The following LTA4H variants were observed in gnomAD, a reference collection of about 807,000 sequenced individuals.
LTA4H encodes leukotriene A-4 hydrolase.
A neutral mutation model predicts 89.8 loss-of-function variants in LTA4H; 59 were observed. The ratio of observed to expected loss-of-function variants is 0.66; its 90% CI spans 0.53 to 0.82. The LOEUF is 0.82. Ranked by LOEUF, LTA4H falls within the 40% of genes least tolerant of loss-of-function variation. LTA4H has a pLI of 0.00. For synonymous variants in LTA4H, 227 were observed against 253.1 expected, an observed-to-expected ratio of 0.90 and a Z score of 0.98; for missense variants, 617 against 727.0, an observed-to-expected ratio of 0.85 and a Z score of 1.74.
intron 3 of LTA4H, 55 bp downstream of exon 3, chr12:96,027,388 TC>T: frequency 6.6e-7 from 1 of 1,512,374 alleles, no homozygotes. Context: ...TTTGCTTCAT[TC>T]AACCATAGGT....
In LTA4H at chr12:96,002,999, G is replaced by C. The variant is rs778391269; in HGVS notation, c.1679C>G (p.Thr560Ser). The change falls in exon 18 of 19, where the codon ACT (threonine) becomes AGT (serine). Residue 560 changes from threonine (T) to serine (S), a missense_variant. Thr to Ser is a moderately conservative substitution (Grantham distance 58). Coordinates refer to ENST00000228740, the MANE Select transcript of LTA4H (RefSeq NM_000895.3). ...GGTAAACTTCATTCTTCCTTGTTCA[G>C]TTGCCATCTTTAGCGCCAAAGGAAT... ...DAIPLALKMA[T>S]EQGRMKFTRP... The C allele has an allele frequency of 1.2e-6, 2 of 1,605,728 alleles. 1 individual carries two copies. The highest frequency in any genetic ancestry group is 2.2e-5 in the South Asian group (2 of 89,316).
chr12:96,036,312 TGTGGCAGGTGAAGG>T (rs1366961681), upstream of LTA4H, among the ~76,000 whole-genome samples: 1 of 152,114 alleles, frequency 6.6e-6, no homozygotes, highest in Non-Finnish European at 1.5e-5. Context: ...CTGGGGCCTT[TGTGGCAGGTGAAGG>T]AGGATTGAAG....
At chr12:96,013,688 T>C in intron 13 of LTA4H, 62 bp downstream of exon 13, 7 of 858,360 alleles carry the variant, frequency 8.2e-6, no homozygotes, top group Middle Eastern at 3.0e-4. Context: ...CAAGTTAACC[T>C]AATCAGTCAA....
At position 96,013,832 on chromosome 12, in the gene LTA4H, T is replaced by C; in HGVS notation, c.1226A>G (p.Lys409Arg). The change falls in exon 13 of 19, where the codon AAA becomes AGA. Residue 409 changes from lysine to arginine, a missense_variant. Lys to Arg is a conservative substitution (Grantham distance 26). Transcript: ENST00000228740. The stretch of plus-strand genomic sequence containing the variant: ...ATAGGAAAACTTCTCAACATAAGCT[T>C]TTAAGAATCCTAGGAAAATCTCTAA... ...GGPEIFLGFL[K>R]AYVEKFSYKS... 1 of 1,535,244 alleles carries C rather than the reference T, an allele frequency of 6.5e-7. No individual in the cohort carries two copies. Among genetic ancestry groups the C allele is most frequent in the Non-Finnish European group, 8.9e-7 (1 of 1,120,546 alleles).
At chr12:96,010,618 C>T (rs1950285067) in intron 14 of LTA4H, 1 of 152,230 alleles carries the variant, frequency 6.6e-6, no homozygotes, top group Admixed American at 6.5e-5. Flanking sequence ...GCAAAGGGAG[C>T]TAGAGTGTTA....
intron 8 of LTA4H, among the ~76,000 whole-genome samples, chr12:96,017,918 A>G (rs1950400946): frequency 6.6e-6 from 1 of 152,146 alleles, no homozygotes; most frequent in Admixed American, 6.5e-5. Context: ...TACCCAAAAT[A>G]TATTTAATAA....
At position 96,002,969 on chromosome 12, in the gene LTA4H, G is replaced by T; in HGVS notation, c.1709C>A (p.Pro570His). 1.3e-6 allele frequency: 2 copies of T among 1,596,176 alleles called. No homozygotes were observed. The highest frequency in any genetic ancestry group is 1.7e-6 in the Non-Finnish European group (2 of 1,170,038). The change falls in exon 18 of 19, where the codon CCC becomes CAC. Residue 570 changes from proline (P) to histidine (H), a missense_variant. Coordinates refer to ENST00000228740, the MANE Select transcript of LTA4H (RefSeq NM_000895.3). ...CTGAGTGGGTTCTTACTTGAATAAG[G>T]GCCGGGTAAACTTCATTCTTCCTTG... is the stretch of plus-strand genomic sequence containing the variant. The part of the protein sequence containing the change: ...TEQGRMKFTR[P>H]LFKDLAAFDK...
intron 6 of LTA4H, 151 bp from the exon 7 acceptor site, chr12:96,019,391 G>A (rs12721570): frequency 3.5e-5 from 22 of 631,662 alleles, no homozygotes; most frequent in Non-Finnish European, 3.6e-5. Context: ...CATGGCGTGA[G>A]CTGCAAACCT....
intron 2 of LTA4H, among the ~76,000 whole-genome samples, chr12:96,028,506 G>A (rs1403825142): frequency 3.3e-5 from 5 of 152,120 alleles, no homozygotes; most frequent in South Asian, 2.1e-4. Flanking sequence ...GACAATTCTG[G>A]TTGCCACTTT....
intron 6 of LTA4H, among the ~76,000 whole-genome samples, chr12:96,019,585 A>ATTTTTTTTTTTTTT (rs755971682): frequency 2.0e-5 from 2 of 99,390 alleles, no homozygotes; most frequent in African/African-American, 4.4e-5. Context: ...ATAAGAAACT[A>ATTTTTTTTTTTTTT]TTTTTTTTTT....
At chr12:96,023,126 C>CA (rs1267374093) in intron 4 of LTA4H, among the ~76,000 whole-genome samples, 1 of 152,174 alleles carries the variant, frequency 6.6e-6, no homozygotes, top group Non-Finnish European at 1.5e-5. Flanking sequence ...TATTAATGAT[C>CA]AAACAAGAAT....
At chr12:96,028,599 T>C (rs2247570) in intron 2 of LTA4H, among the ~76,000 whole-genome samples, 49,805 of 152,146 alleles carry the variant, frequency 0.33, 9,102 homozygotes, top group African/African-American at 0.47. Flanking sequence ...AAGGATTAGA[T>C]ACAAGAATGC....
rs1245970488 is a variant in LTA4H, at chr12:96,032,567, T to G, written c.159+2794A>C. Among the ~76,000 whole-genome samples the G allele has an allele frequency of 2.0e-5, 3 of 152,138 alleles. No individual in the cohort carries two copies. In the East Asian group the frequency reaches 5.8e-4, roughly 29 times the overall value. On this transcript the variant is annotated intron_variant, in intron 1 of 18. Coordinates refer to ENST00000228740, the MANE Select transcript of LTA4H (RefSeq NM_000895.3). ...CAATCTAGTGGAGGAAAGAAACAAG[T>G]TAACTTTAAATAAATACTAATTAAC...
chr12:96,014,821 A>G lies in LTA4H; in HGVS notation c.1204+34T>C, dbSNP rs116743649. 1.1e-4 allele frequency: 166 copies of G among 1,576,342 alleles called. 1 individual carries two copies. The African/African-American group carries it at 2.2e-3, about 21-fold the overall frequency. ...CCTAATTCTCACATTACCCTCAAAA[A>G]GAAAAAAAAAATCATAAAATACCAA... On this transcript the variant is annotated intron_variant, in intron 12 of 18. Coordinates refer to ENST00000228740, the MANE Select transcript of LTA4H (RefSeq NM_000895.3).
chr12:96,016,936 T>A, intron 10 of LTA4H, 108 bp downstream of exon 10: 4 of 769,630 alleles, frequency 5.2e-6, no homozygotes, highest in African/African-American at 1.8e-5. Flanking sequence ...TAAGAGATGA[T>A]AACAAAGAAA....
upstream of LTA4H, among the ~76,000 whole-genome samples, chr12:96,038,926 A>G (rs1236350032): frequency 6.6e-6 from 1 of 151,690 alleles, no homozygotes; most frequent in Non-Finnish European, 1.5e-5. Context: ...CTCCATTAAT[A>G]TATTCATCAA....
rs748600408 is a variant in LTA4H, at chr12:96,021,131, T to C, written c.592A>G (p.Ile198Val). ...KIYKFIQKVP[I>V]PCYLIALVVG... ...ACTAAAGCAATCAGGTAGCAGGGTA[T>C]TGGAACCTAAAGAGGGCAAACAAAC... The change falls in exon 6 of 19, where the codon ATA (isoleucine) becomes GTA (valine). Residue 198 changes from isoleucine to valine, a missense_variant. Physicochemically the swap from Ile to Val is conservative, Grantham distance 29. Around this residue, in one of 3 missense-constraint regions of LTA4H, gnomAD observed 172 missense variants for 244.5 expected, o/e 0.70. Transcript: ENST00000228740. 16 of 1,596,412 alleles carry C rather than the reference T, an allele frequency of 1.0e-5. No individual in the cohort carries two copies. The highest frequency in any genetic ancestry group is 4.5e-5 in the East Asian group (2 of 43,990).
chr12:96,007,699 A>C (rs1196919510), intron 15 of LTA4H, among the ~76,000 whole-genome samples: 2 of 152,252 alleles, frequency 1.3e-5, no homozygotes, highest in Non-Finnish European at 2.9e-5. Flanking sequence ...ATCATTATCC[A>C]CCTTAACTGC....
At chr12:96,003,576 C>T (rs919917191) in intron 17 of LTA4H, 13 of 255,808 alleles carry the variant, frequency 5.1e-5, no homozygotes, top group African/African-American at 2.0e-4. Flanking sequence ...CTATTTACCA[C>T]GGAATCCTTC....
Sources: allele counts gnomAD v4.1 joint callset (sites outside exome capture counted in the v4.1 genomes callset), GRCh38; gene constraint gnomAD v4.1.1; regional missense constraint gnomAD v4.1.1; transcripts MANE v1.5; gene names NCBI Gene and HGNC (gene_info 2026-07-23, HGNC 2026-07-21).